The following BMAL1 variants were observed in gnomAD, a reference collection of about 807,000 sequenced individuals.
The protein encoded by BMAL1 is basic helix-loop-helix ARNT like 1.
the BMAL1 span, among the ~76,000 whole-genome samples, chr11:13,362,349 T>A: frequency 1.3e-5 from 2 of 152,188 alleles, no homozygotes; most frequent in African/African-American, 4.8e-5. Flanking sequence ...TATAGGTGCT[T>A]TTTTGAACTT....
the BMAL1 span, among the ~76,000 whole-genome samples, chr11:13,305,689 G>A: frequency 6.6e-6 from 1 of 152,168 alleles, no homozygotes; most frequent in Non-Finnish European, 1.5e-5. Context: ...TAGTCTTGGG[G>A]AAAGCATCAG....
the BMAL1 span, chr11:13,309,928 A>G: frequency 6.6e-6 from 1 of 152,670 alleles, no homozygotes; most frequent in Non-Finnish European, 1.5e-5. Flanking sequence ...AGTATGGTAA[A>G]TCAAAACTTA....
chr11:13,374,953 C>G, the BMAL1 span, among the ~76,000 whole-genome samples: 1 of 152,218 alleles, frequency 6.6e-6, no homozygotes, highest in Non-Finnish European at 1.5e-5. Flanking sequence ...GCTCCAGGCA[C>G]ACTGACCTCA....
the BMAL1 span, among the ~76,000 whole-genome samples, chr11:13,386,335 A>G: frequency 6.7e-6 from 1 of 148,634 alleles, no homozygotes; most frequent in African/African-American, 2.5e-5. Flanking sequence ...CTTTGTACTT[A>G]TTTCTAAAAT....
the BMAL1 span, among the ~76,000 whole-genome samples, chr11:13,284,099 TG>T: frequency 1.1e-5 from 1 of 90,722 alleles, no homozygotes; most frequent in Non-Finnish European, 2.5e-5. Flanking sequence ...TGTGTGTGTG[TG>T]TGTGTGTGTG....
chr11:13,333,218 C>T, the BMAL1 span, among the ~76,000 whole-genome samples: 19 of 152,246 alleles, frequency 1.2e-4, no homozygotes, highest in Admixed American at 8.5e-4. Context: ...CTGCTCACCT[C>T]GGCCTCCCAA....
At chr11:13,291,036 C>T in the BMAL1 span, among the ~76,000 whole-genome samples, 2 of 152,280 alleles carry the variant, frequency 1.3e-5, no homozygotes, top group South Asian at 4.1e-4. Flanking sequence ...AGCAGAAAGA[C>T]TAACTCTTGC....
At chr11:13,378,165 T>C in the BMAL1 span, among the ~76,000 whole-genome samples, 8 of 152,352 alleles carry the variant, frequency 5.3e-5, no homozygotes, top group Non-Finnish European at 1.0e-4. Flanking sequence ...AACTTGAGCC[T>C]TTCCCTGCTG....
chr11:13,306,044 T>C, the BMAL1 span, among the ~76,000 whole-genome samples: 1 of 152,190 alleles, frequency 6.6e-6, no homozygotes, highest in Admixed American at 6.5e-5. Context: ...ATTTGGAGTC[T>C]TCTTATAGTC....
At chr11:13,293,511 A>C in the BMAL1 span, among the ~76,000 whole-genome samples, 3 of 152,230 alleles carry the variant, frequency 2.0e-5, no homozygotes, top group Non-Finnish European at 4.4e-5. Context: ...GTGTCTGCCC[A>C]GCCCAGGGCC....
At chr11:13,340,086 T>C in the BMAL1 span, among the ~76,000 whole-genome samples, 3 of 152,222 alleles carry the variant, frequency 2.0e-5, no homozygotes, top group East Asian at 5.8e-4. Context: ...TTTACTCAAA[T>C]TACCAATTCT....
At chr11:13,378,519 A>ATT in the BMAL1 span, 1 of 1,547,644 alleles carries the variant, frequency 6.5e-7, no homozygotes, top group Non-Finnish European at 8.7e-7. Context: ...CCCAGGCAAT[A>ATT]TTTTGCAATG....
At chr11:13,349,177 G>A in the BMAL1 span, among the ~76,000 whole-genome samples, 49 of 152,356 alleles carry the variant, frequency 3.2e-4, no homozygotes, top group African/African-American at 1.1e-3. Flanking sequence ...TCTTAACTTC[G>A]TGTGTGCCCA....
At chr11:13,381,081 C>T in the BMAL1 span, 1 of 1,433,318 alleles carries the variant, frequency 7.0e-7, no homozygotes, top group Non-Finnish European at 9.8e-7. Flanking sequence ...TCTTCATCCC[C>T]TTTCTCACCT....
chr11:13,354,225 A>ACC, the BMAL1 span: 1 of 552,068 alleles, frequency 1.8e-6, no homozygotes. Flanking sequence ...ACCCCCAAGC[A>ACC]CCAACCTGGG....
the BMAL1 span, chr11:13,386,678 TGTC>T: frequency 6.2e-7 from 1 of 1,614,204 alleles, no homozygotes; most frequent in Non-Finnish European, 8.5e-7. Flanking sequence ...CAGCAATGGC[TGTC>T]ATCATGAGCC....
the BMAL1 span, among the ~76,000 whole-genome samples, chr11:13,318,544 GTTTTTTT>G: frequency 1.4e-4 from 7 of 49,322 alleles, no homozygotes; most frequent in East Asian, 8.1e-4. Context: ...AAGACACTTA[GTTTTTTT>G]TTTTTTTTTT....
the BMAL1 span, among the ~76,000 whole-genome samples, chr11:13,324,196 T>C: frequency 2.0e-5 from 3 of 152,202 alleles, no homozygotes; most frequent in Non-Finnish European, 2.9e-5. Flanking sequence ...GTTTGCTACA[T>C]AGGCAAAGAG....
At chr11:13,313,851 C>A in the BMAL1 span, among the ~76,000 whole-genome samples, 10 of 152,100 alleles carry the variant, frequency 6.6e-5, no homozygotes, top group Admixed American at 6.5e-4. Flanking sequence ...CTGCAGTCTT[C>A]TCATCATCTG....
Sources: allele counts gnomAD v4.1 joint callset (sites outside exome capture counted in the v4.1 genomes callset), GRCh38; gene constraint gnomAD v4.1.1; transcripts MANE v1.5; gene names NCBI Gene and HGNC (gene_info 2026-07-23, HGNC 2026-07-21).